HERC4: variants seen among roughly 807,000 people sequenced by gnomAD.
The protein encoded by HERC4 is HECT and RLD domain containing E3 ubiquitin protein ligase 4.
HERC4 carries 28 observed loss-of-function variants against 124.3 expected under a neutral mutation model. That is an observed-to-expected ratio of 0.23 (90% CI 0.17 to 0.31). The LOEUF (loss-of-function observed/expected upper bound fraction) is 0.31, where lower values mean the gene tolerates loss of function less well. Among genes scored for constraint, HERC4 ranks in the 10% least tolerant of loss-of-function variants. The pLI is 1.00. For missense variants in HERC4, 713 were observed against 1,229.3 expected (o/e 0.58, Z 6.28); for synonymous variants, 407 against 421.5 (o/e 0.97, Z 0.42).
At chr10:68,022,424 G>A (rs1421812380) in intron 8 of HERC4, among the ~76,000 whole-genome samples, 5 of 151,700 alleles carry the variant, frequency 3.3e-5, no homozygotes, top group Admixed American at 1.3e-4. Flanking sequence ...GCTTGGTCCC[G>A]GGAGGCAGAG....
intron 15 of HERC4, among the ~76,000 whole-genome samples, chr10:67,971,861 T>G (rs2035254289): frequency 6.6e-6 from 1 of 152,176 alleles, no homozygotes; most frequent in African/African-American, 2.4e-5. Context: ...ATAAGAGAAT[T>G]ACCAGAACTA....
At chr10:67,955,253 T>C in intron 17 of HERC4, 123 bp from the exon 18 acceptor site, 1 of 790,506 alleles carries the variant, frequency 1.3e-6, no homozygotes, top group South Asian at 1.7e-5. Flanking sequence ...TGAATTAACA[T>C]AGCACCTAAC....
chr10:67,939,876 T>C (rs2032722308), intron 20 of HERC4, among the ~76,000 whole-genome samples: 1 of 152,150 alleles, frequency 6.6e-6, no homozygotes, highest in African/African-American at 2.4e-5. Context: ...ATCACTTTTC[T>C]GAATACAAAG....
chr10:68,033,876 T>C, intron 6 of HERC4, 89 bp downstream of exon 6: 1 of 1,075,408 alleles, frequency 9.3e-7, no homozygotes, highest in Non-Finnish European at 1.4e-6. Context: ...GGAAGATACA[T>C]TTCTCTCTTA....
At chr10:67,966,647 A>C (rs1217950498) in intron 16 of HERC4, 36 bp downstream of exon 16, 1 of 1,589,358 alleles carries the variant, frequency 6.3e-7, no homozygotes, top group South Asian at 1.2e-5. Flanking sequence ...ATACATATAC[A>C]TAAAAATGAA....
At chr10:67,952,244 C>T (rs781575296) in intron 19 of HERC4, among the ~76,000 whole-genome samples, 3 of 152,164 alleles carry the variant, frequency 2.0e-5, no homozygotes, top group Admixed American at 6.5e-5. Context: ...AAAACCAAAA[C>T]GTGATTAAAA....
chr10:67,935,502 C>T (rs1206703080), intron 22 of HERC4, among the ~76,000 whole-genome samples: 2 of 152,082 alleles, frequency 1.3e-5, no homozygotes, highest in East Asian at 3.9e-4. Flanking sequence ...TTTCACTATA[C>T]GGTACCAAGA....
chr10:68,062,772 A>G, intron 3 of HERC4, among the ~76,000 whole-genome samples: 1 of 150,514 alleles, frequency 6.6e-6, no homozygotes, highest in Non-Finnish European at 1.5e-5. Context: ...AAAAAATAAT[A>G]AATAAAAAAT....
chr10:68,039,525 G>A (rs2039656118), intron 4 of HERC4: 3 of 1,549,320 alleles, frequency 1.9e-6, no homozygotes, highest in Admixed American at 3.9e-5. Flanking sequence ...AAAAAGGAGA[G>A]TTACTCTGAT....
intron 19 of HERC4, among the ~76,000 whole-genome samples, chr10:67,946,161 A>G (rs1481301539): frequency 6.6e-6 from 1 of 151,600 alleles, no homozygotes; most frequent in Admixed American, 6.6e-5. Context: ...CTGAAGTGGG[A>G]GGATCACTGG....
chr10:68,063,712 C>G (rs1468890513), intron 3 of HERC4, among the ~76,000 whole-genome samples: 3 of 152,038 alleles, frequency 2.0e-5, no homozygotes, highest in Non-Finnish European at 2.9e-5. Context: ...CCAAGGCGGA[C>G]AGATTACCTG....
chr10:68,059,494 C>CATTATATATTATAAT (rs1451090554), intron 3 of HERC4, among the ~76,000 whole-genome samples: 3 of 69,176 alleles, frequency 4.3e-5, no homozygotes, highest in Non-Finnish European at 7.3e-5. Flanking sequence ...TATATTATAA[C>CATTATATATTATAAT]ATTATATATT....
At chr10:68,010,888 G>T in intron 9 of HERC4, 1 of 1,442,496 alleles carries the variant, frequency 6.9e-7, no homozygotes, top group East Asian at 2.3e-5. Flanking sequence ...CTGGATGAAG[G>T]GTATTTTTTA....
intron 7 of HERC4, among the ~76,000 whole-genome samples, chr10:68,030,284 T>C (rs1358643104): frequency 6.6e-6 from 1 of 151,072 alleles, no homozygotes; most frequent in African/African-American, 2.4e-5. Flanking sequence ...TACAAAAAAA[T>C]ACAAAAAATA....
intron 3 of HERC4, chr10:68,070,346 C>T: frequency 7.6e-6 from 7 of 919,066 alleles, no homozygotes; most frequent in Non-Finnish European, 9.1e-6. Flanking sequence ...GTGGCTCATG[C>T]CTGTAATTCC....
At chr10:68,015,253 A>C (rs2038193339) in intron 8 of HERC4, among the ~76,000 whole-genome samples, 2 of 152,194 alleles carry the variant, frequency 1.3e-5, no homozygotes. Flanking sequence ...GATGATCTAC[A>C]ATCTGGAACA....
chr10:67,948,995 T>C (rs976512473), intron 19 of HERC4, among the ~76,000 whole-genome samples: 7 of 151,954 alleles, frequency 4.6e-5, no homozygotes, highest in African/African-American at 1.7e-4. Context: ...GGCTCACGCC[T>C]GTAATCCCAG....
chr10:68,046,908 T>C (rs1157530908), intron 3 of HERC4, among the ~76,000 whole-genome samples: 2 of 152,028 alleles, frequency 1.3e-5, no homozygotes, highest in East Asian at 3.9e-4. Context: ...CAGTGAGCTG[T>C]GATCACGCCA....
intron 3 of HERC4, among the ~76,000 whole-genome samples, chr10:68,062,611 T>A (rs569291764): frequency 8.1e-4 from 121 of 149,788 alleles, no homozygotes; most frequent in Non-Finnish European, 1.4e-3. Flanking sequence ...AAAAAAAAAA[T>A]TAGCCGGGTG....
Sources: allele counts gnomAD v4.1 joint callset (sites outside exome capture counted in the v4.1 genomes callset), GRCh38; gene constraint gnomAD v4.1.1; transcripts MANE v1.5; gene names NCBI Gene and HGNC (gene_info 2026-07-23, HGNC 2026-07-21).